Variants in SH3GL2 observed in about 807,000 individuals in gnomAD.
SH3GL2 encodes SH3 domain containing GRB2 like 2, endophilin A1.
SH3GL2 carries 24 observed loss-of-function variants against 46.0 expected under a neutral mutation model. The observed-to-expected ratio is 0.52, with a 90% CI of 0.38 to 0.73. The LOEUF is 0.73. SH3GL2 is among the 30% of genes least tolerant of loss of function. The probability of loss-of-function intolerance (pLI) is 0.00; values close to 1 mark genes in which losing one functional copy is unlikely to be tolerated. For synonymous variants in SH3GL2, 196 were observed against 147.1 expected, an observed-to-expected ratio of 1.33 and a Z score of -2.40; for missense variants, 413 against 424.2, an observed-to-expected ratio of 0.97 and a Z score of 0.23.
chr9:17,733,283 TTTA>T (rs1330361129), intron 1 of SH3GL2, among the ~76,000 whole-genome samples: 3 of 152,066 alleles, frequency 2.0e-5, no homozygotes, highest in South Asian at 2.1e-4. Flanking sequence ...TTTTCATTTT[TTTA>T]TTATTATACT....
intron 1 of SH3GL2, among the ~76,000 whole-genome samples, chr9:17,586,107 C>A (rs376579382): frequency 1.3e-5 from 2 of 152,192 alleles, no homozygotes; most frequent in African/African-American, 2.4e-5. Context: ...TATACTAAAT[C>A]ATTAGCTGAT....
intron 1 of SH3GL2, among the ~76,000 whole-genome samples, chr9:17,677,799 G>T (rs775716475): frequency 2.0e-5 from 3 of 150,732 alleles, no homozygotes; most frequent in African/African-American, 7.3e-5. Flanking sequence ...CCCACAACAG[G>T]CCCCCGTGTG....
chr9:17,614,106 C>T (rs1287884572), intron 1 of SH3GL2, among the ~76,000 whole-genome samples: 1 of 151,894 alleles, frequency 6.6e-6, no homozygotes, highest in African/African-American at 2.4e-5. Flanking sequence ...CTTGAGGGGA[C>T]ATGCTTTCTT....
chr9:17,735,462 A>C (rs1470913490), intron 1 of SH3GL2, among the ~76,000 whole-genome samples: 7 of 152,156 alleles, frequency 4.6e-5, no homozygotes, highest in Admixed American at 1.3e-4. Context: ...ATATAGCTAC[A>C]GTTGACCCTT....
chr9:17,723,180 T>G (rs927014130), intron 1 of SH3GL2, among the ~76,000 whole-genome samples: 1 of 152,152 alleles, frequency 6.6e-6, no homozygotes, highest in Non-Finnish European at 1.5e-5. Flanking sequence ...GCTTTCATAA[T>G]GTACTGTCAC....
At chr9:17,738,690 G>T (rs1450781393) in intron 1 of SH3GL2, among the ~76,000 whole-genome samples, 1 of 136,786 alleles carries the variant, frequency 7.3e-6, no homozygotes, top group African/African-American at 2.7e-5. Flanking sequence ...TTATTTCAAG[G>T]AATTGCCTCA....
chr9:17,681,533 A>C (rs1422364398), intron 1 of SH3GL2, among the ~76,000 whole-genome samples: 2 of 152,120 alleles, frequency 1.3e-5, no homozygotes, highest in Non-Finnish European at 2.9e-5. Context: ...CCTTCCTTAC[A>C]CCTTATACAA....
intron 1 of SH3GL2, among the ~76,000 whole-genome samples, chr9:17,615,510 C>G (rs1376970213): frequency 4.6e-5 from 7 of 151,940 alleles, no homozygotes; most frequent in African/African-American, 1.4e-4. Flanking sequence ...CAAAAATTAG[C>G]CAGGCGTGGC....
intron 2 of SH3GL2, among the ~76,000 whole-genome samples, chr9:17,757,584 A>G (rs1186332173): frequency 6.6e-6 from 1 of 152,248 alleles, no homozygotes; most frequent in East Asian, 1.9e-4. Context: ...ACGGAGGCTC[A>G]GGAGCTTATA....
chr9:17,624,604 C>T (rs1317553220), intron 1 of SH3GL2, among the ~76,000 whole-genome samples: 2 of 152,154 alleles, frequency 1.3e-5, no homozygotes, highest in African/African-American at 4.8e-5. Flanking sequence ...TCAATTTGAG[C>T]CCTCAATCAA....
intron 1 of SH3GL2, among the ~76,000 whole-genome samples, chr9:17,611,511 C>A (rs1157552129): frequency 6.6e-6 from 1 of 152,180 alleles, no homozygotes; most frequent in Admixed American, 6.6e-5. Flanking sequence ...CTTTCCATGT[C>A]ATCGCATTGG....
chr9:17,734,802 TG>T (rs1822281283), intron 1 of SH3GL2, among the ~76,000 whole-genome samples: 1 of 151,994 alleles, frequency 6.6e-6, no homozygotes, highest in African/African-American at 2.4e-5. Flanking sequence ...GGAATGGAGT[TG>T]GGGGAAGGAG....
chr9:17,737,600 T>C (rs1013664081), intron 1 of SH3GL2, among the ~76,000 whole-genome samples: 1 of 152,278 alleles, frequency 6.6e-6, no homozygotes, highest in African/African-American at 2.4e-5. Flanking sequence ...TTGCCCGTCC[T>C]CTGAGCTTGC....
At chr9:17,779,197 A>G (rs1823729972) in intron 3 of SH3GL2, among the ~76,000 whole-genome samples, 1 of 152,186 alleles carries the variant, frequency 6.6e-6, no homozygotes, top group Non-Finnish European at 1.5e-5. Flanking sequence ...GGATAGTCCA[A>G]ATCATCAAGA....
At chr9:17,725,824 G>T (rs1478158232) in intron 1 of SH3GL2, among the ~76,000 whole-genome samples, 2 of 152,154 alleles carry the variant, frequency 1.3e-5, no homozygotes, top group African/African-American at 2.4e-5. Context: ...CATGGCTGGG[G>T]GTTGAATAGG....
intron 1 of SH3GL2, among the ~76,000 whole-genome samples, chr9:17,624,871 G>A (rs923196827): frequency 4.6e-5 from 7 of 152,174 alleles, no homozygotes; most frequent in African/African-American, 1.7e-4. Flanking sequence ...CCAGGCTTTG[G>A]GAACTATCCA....
intron 1 of SH3GL2, among the ~76,000 whole-genome samples, chr9:17,613,721 C>T (rs748339735): frequency 1.2e-4 from 18 of 152,112 alleles, no homozygotes; most frequent in East Asian, 3.9e-4. Context: ...TGGGAGGTGA[C>T]GGGAAGAATG....
intron 1 of SH3GL2, among the ~76,000 whole-genome samples, chr9:17,597,166 G>GT (rs1351378395): frequency 6.6e-6 from 1 of 152,180 alleles, no homozygotes; most frequent in Non-Finnish European, 1.5e-5. Context: ...CCAAATTGAT[G>GT]TTTTTATTTG....
chr9:17,784,148 A>G (rs1425747682), intron 3 of SH3GL2, among the ~76,000 whole-genome samples: 2 of 152,172 alleles, frequency 1.3e-5, no homozygotes, highest in Non-Finnish European at 2.9e-5. Flanking sequence ...TTTGAAGTAG[A>G]TAAGCTAGTA....
Sources: allele counts gnomAD v4.1 joint callset (sites outside exome capture counted in the v4.1 genomes callset), GRCh38; gene constraint gnomAD v4.1.1; transcripts MANE v1.5; gene names NCBI Gene and HGNC (gene_info 2026-07-23, HGNC 2026-07-21).